The following GTF2F2 variants were observed in gnomAD, a reference collection of about 807,000 sequenced individuals.
The protein encoded by GTF2F2 is ATP-dependent helicase GTF2F2.
In GTF2F2, 23 loss-of-function variants were observed where a neutral mutation model predicts 42.2. The observed-to-expected ratio is 0.55, with a 90% CI of 0.39 to 0.77. The LOEUF is 0.77. Among genes scored for constraint, GTF2F2 ranks in the 30% least tolerant of loss-of-function variants. The pLI, the probability that GTF2F2 is intolerant of heterozygous loss-of-function variation, is 0.00. For synonymous variants in GTF2F2, 105 were observed against 100.8 expected (o/e 1.04, Z -0.25); for missense variants, 261 against 287.2 (o/e 0.91, Z 0.66).
chr13:45,203,240 CT>C (rs534331107), intron 4 of GTF2F2, among the ~76,000 whole-genome samples: 2,493 of 140,502 alleles, frequency 0.018, 27 homozygotes, highest in African/African-American at 0.039. Context: ...CCACGCCCAC[CT>C]TTTTTTTTTT....
intron 1 of GTF2F2, among the ~76,000 whole-genome samples, chr13:45,124,812 C>T (rs902602136): frequency 2.0e-5 from 3 of 152,200 alleles, no homozygotes; most frequent in East Asian, 1.9e-4. Context: ...GATCTGCCTG[C>T]CTTGGCCTCC....
intron 4 of GTF2F2, among the ~76,000 whole-genome samples, chr13:45,184,869 A>C (rs886590914): frequency 6.6e-6 from 1 of 152,148 alleles, no homozygotes; most frequent in African/African-American, 2.4e-5. Flanking sequence ...CAGGAAGTGC[A>C]GTGGCATAGT....
At chr13:45,186,439 C>T (rs1273541106) in intron 4 of GTF2F2, among the ~76,000 whole-genome samples, 1 of 151,410 alleles carries the variant, frequency 6.6e-6, no homozygotes, top group Non-Finnish European at 1.5e-5. Context: ...TTTCAGGCGT[C>T]CACCACCACA....
At chr13:45,168,897 CTCCCTCCCTCCTCCTTCCT>C (rs1871446691) in intron 4 of GTF2F2, among the ~76,000 whole-genome samples, 1 of 356 alleles carries the variant, frequency 2.8e-3, no homozygotes, top group African/African-American at 0.014. Flanking sequence ...CCCTCCCTCC[CTCCCTCCCTCCTCCTTCCT>C]TCCCTCCCTC....
intron 4 of GTF2F2, among the ~76,000 whole-genome samples, chr13:45,167,252 A>T (rs1431272623): frequency 4.2e-5 from 6 of 141,306 alleles, no homozygotes; most frequent in South Asian, 2.2e-4. Context: ...TTTTTTTTTT[A>T]AAGATGGAGT....
At chr13:45,182,358 A>C (rs1225038467) in intron 4 of GTF2F2, among the ~76,000 whole-genome samples, 2 of 152,010 alleles carry the variant, frequency 1.3e-5, no homozygotes, top group Non-Finnish European at 2.9e-5. Context: ...CGGCCTCCCA[A>C]AGTGCTGGGA....
At position 45,283,837 on chromosome 13, in the gene GTF2F2, A is replaced by G. The variant is rs577073408; in HGVS notation, c.*276A>G. ...AGGATTAAGAGGGTTTTTCTTAAAT[A>G]TTAGCTTTTAATGTGTACAATTAGG... On this transcript the variant is annotated 3_prime_UTR_variant, in exon 8 of 8. Coordinates refer to ENST00000340473, the MANE Select transcript of GTF2F2 (RefSeq NM_004128.3). 7.4e-5 allele frequency: 13 copies of G among 176,780 alleles called. No individual in the cohort carries two copies. The East Asian group carries it at 1.8e-3, about 25-fold the overall frequency. 11.0% of individuals were successfully genotyped at this position (176,780 alleles called of 1,614,324 possible). A position where few individuals can be genotyped will look rare whatever the true frequency, so the allele number is the denominator to read the frequency against.
intron 5 of GTF2F2, among the ~76,000 whole-genome samples, chr13:45,248,154 A>G (rs1281198360): frequency 2.0e-5 from 3 of 152,084 alleles, no homozygotes; most frequent in African/African-American, 7.2e-5. Flanking sequence ...GATTTTTTTA[A>G]ATAAATGGAG....
intron 5 of GTF2F2, among the ~76,000 whole-genome samples, chr13:45,245,991 ATTATTTATTTAT>A (rs143999940): frequency 0.29 from 40,556 of 140,800 alleles, 6,618 homozygotes; most frequent in African/African-American, 0.44. Context: ...GCCAACATCT[ATTATTTATTTAT>A]TTATTTATTT....
intron 6 of GTF2F2, among the ~76,000 whole-genome samples, chr13:45,258,123 T>C (rs1876177462): frequency 6.6e-6 from 1 of 152,074 alleles, no homozygotes; most frequent in African/African-American, 2.4e-5. Context: ...GAAAAGAACT[T>C]GGCCCTTCCA....
At chr13:45,246,643 C>A (rs117801245) in intron 5 of GTF2F2, among the ~76,000 whole-genome samples, 10 of 152,304 alleles carry the variant, frequency 6.6e-5, no homozygotes, top group Non-Finnish European at 1.3e-4. Context: ...TTCAAAAATT[C>A]TCTGATTTTT....
At chr13:45,162,209 A>G (rs570835335) in intron 4 of GTF2F2, among the ~76,000 whole-genome samples, 9 of 152,270 alleles carry the variant, frequency 5.9e-5, no homozygotes, top group African/African-American at 2.2e-4. Context: ...GCCTGGATAG[A>G]TGCTCTGTGG....
intron 4 of GTF2F2, among the ~76,000 whole-genome samples, chr13:45,205,769 C>T (rs375125074): frequency 1.8e-4 from 27 of 152,138 alleles, no homozygotes; most frequent in East Asian, 1.9e-4. Context: ...CTGCCTGCCT[C>T]GGCCTCCCAA....
chr13:45,257,434 C>T (rs976259108), intron 6 of GTF2F2, among the ~76,000 whole-genome samples: 1 of 152,052 alleles, frequency 6.6e-6, no homozygotes, highest in Non-Finnish European at 1.5e-5. Context: ...GTGAGATGGT[C>T]ACATAAAAAG....
chr13:45,212,459 C>CTTTCCTTTTCTTTTCTTTTCTTTTCT (rs1873701494), intron 5 of GTF2F2, among the ~76,000 whole-genome samples: 1 of 79,290 alleles, frequency 1.3e-5, no homozygotes, highest in Non-Finnish European at 2.7e-5. Context: ...TTCTTTCTTT[C>CTTTCCTTTTCTTTTCTTTTCTTTTCT]TTTCTTTCTT....
intron 4 of GTF2F2, among the ~76,000 whole-genome samples, chr13:45,182,052 G>A (rs551758178): frequency 4.6e-5 from 7 of 152,062 alleles, no homozygotes; most frequent in South Asian, 2.1e-4. Context: ...TCCTTATGTA[G>A]CCCCTTCTTC....
chr13:45,274,559 G>A (rs1046165055), intron 7 of GTF2F2, among the ~76,000 whole-genome samples: 4 of 151,864 alleles, frequency 2.6e-5, no homozygotes, highest in African/African-American at 9.7e-5. Flanking sequence ...TCAATCTCCT[G>A]ACCTCGTGAT....
intron 4 of GTF2F2, among the ~76,000 whole-genome samples, chr13:45,182,308 G>A (rs1280491208): frequency 6.6e-6 from 1 of 151,936 alleles, no homozygotes; most frequent in East Asian, 1.9e-4. Context: ...CCACTGCTAC[G>A]CCCGGCTAAC....
intron 4 of GTF2F2, among the ~76,000 whole-genome samples, chr13:45,191,224 A>AAAAAATATATATATATATATATAT: frequency 3.6e-4 from 27 of 75,294 alleles, no homozygotes; most frequent in South Asian, 1.2e-3. Context: ...ACAAAAAAAA[A>AAAAAATATATATATATATATATAT]ATATATATAT....
Sources: gnomAD v4.1 joint callset for allele counts (sites outside exome capture counted in the v4.1 genomes callset) on GRCh38, gnomAD v4.1.1 for gene constraint, MANE v1.5 for transcripts, NCBI Gene and HGNC (gene_info 2026-07-23, HGNC 2026-07-21) for gene names.